The following ST6GALNAC3 variants were observed in gnomAD, a reference collection of about 807,000 sequenced individuals.
The protein encoded by ST6GALNAC3 is alpha-N-acetylgalactosaminide alpha-2,6-sialyltransferase 3.
ST6GALNAC3 carries 25 observed loss-of-function variants against 32.7 expected under a neutral mutation model. That is an observed-to-expected ratio of 0.76 (90% CI 0.56 to 1.07). The LOEUF is 1.07. Ranked by LOEUF, ST6GALNAC3 falls within the 50% of genes least tolerant of loss-of-function variation. The pLI is 0.00. For missense variants in ST6GALNAC3, 355 were observed against 382.4 expected, an observed-to-expected ratio of 0.93 and a Z score of 0.60; for synonymous variants, 129 against 133.1, an observed-to-expected ratio of 0.97 and a Z score of 0.21.
At chr1:76,372,989 G>T (rs1232896472) in intron 2 of ST6GALNAC3, among the ~76,000 whole-genome samples, 1 of 151,842 alleles carries the variant, frequency 6.6e-6, no homozygotes, top group Non-Finnish European at 1.5e-5. Flanking sequence ...TAGAGATAGG[G>T]TCTTGCTATG....
intron 3 of ST6GALNAC3, among the ~76,000 whole-genome samples, chr1:76,484,248 A>G (rs1201519686): frequency 6.6e-6 from 1 of 152,164 alleles, no homozygotes. Flanking sequence ...GTTTTTTCCA[A>G]TTCTGTGAAG....
chr1:76,554,486 A>G (rs1664806580), intron 3 of ST6GALNAC3, among the ~76,000 whole-genome samples: 1 of 144,408 alleles, frequency 6.9e-6, no homozygotes, highest in Non-Finnish European at 1.5e-5. Flanking sequence ...TTATTTCTTG[A>G]TAGAGCAAGT....
intron 1 of ST6GALNAC3, among the ~76,000 whole-genome samples, chr1:76,196,621 A>T (rs1654220276): frequency 6.6e-6 from 1 of 152,010 alleles, no homozygotes; most frequent in African/African-American, 2.4e-5. Context: ...TTGTGCCACC[A>T]TGCCCGGCTA....
At position 76,630,780 on chromosome 1, in the gene ST6GALNAC3, T is replaced by A. The variant is rs1215231213; in HGVS notation, c.*1974T>A. On this transcript the variant is annotated 3_prime_UTR_variant, in exon 5 of 5. Coordinates refer to ENST00000328299, the MANE Select transcript of ST6GALNAC3 (RefSeq NM_152996.4). ...GAAGGAGTTGTTATTCTTTTGTTGT[T>A]CCCTTATGCAATTTTTAATTCTATG... The A allele has an allele frequency of 7.1e-6, 7 of 985,566 alleles. No individual in the cohort carries two copies. In the Admixed American group the frequency reaches 3.7e-4, roughly 52 times the overall value. 61.1% of individuals were successfully genotyped at this position (985,566 alleles called of 1,614,324 possible).
chr1:76,599,453 C>G (rs926482789), intron 3 of ST6GALNAC3, among the ~76,000 whole-genome samples: 1 of 151,930 alleles, frequency 6.6e-6, no homozygotes, highest in Non-Finnish European at 1.5e-5. Flanking sequence ...CCCCTTGCCC[C>G]CCACCCTCCG....
At chr1:76,164,428 AG>A (rs1651999905) in intron 1 of ST6GALNAC3, among the ~76,000 whole-genome samples, 1 of 152,220 alleles carries the variant, frequency 6.6e-6, no homozygotes, top group South Asian at 2.1e-4. Context: ...GGTAGCTATT[AG>A]GGAAAATCAT....
intron 3 of ST6GALNAC3, among the ~76,000 whole-genome samples, chr1:76,537,632 A>G (rs1663701017): frequency 2.0e-5 from 3 of 152,164 alleles, no homozygotes; most frequent in Admixed American, 1.3e-4. Flanking sequence ...GTGTACCATC[A>G]TTTTACATTT....
At chr1:76,480,634 G>A (rs772926853) in intron 3 of ST6GALNAC3, among the ~76,000 whole-genome samples, 5 of 152,054 alleles carry the variant, frequency 3.3e-5, no homozygotes, top group African/African-American at 4.8e-5. Flanking sequence ...ATCATCAGTT[G>A]TAGGACTGCC....
chr1:76,075,869 C>G (rs971009937), intron 1 of ST6GALNAC3, among the ~76,000 whole-genome samples: 2 of 152,182 alleles, frequency 1.3e-5, no homozygotes, highest in African/African-American at 4.8e-5. Flanking sequence ...TACCAGGAAA[C>G]AATTCGTTGT....
At chr1:76,121,387 T>C (rs1414738311) in intron 1 of ST6GALNAC3, among the ~76,000 whole-genome samples, 1 of 152,106 alleles carries the variant, frequency 6.6e-6, no homozygotes, top group Non-Finnish European at 1.5e-5. Flanking sequence ...CAGCCTTGCC[T>C]CCCCACTGTC....
intron 2 of ST6GALNAC3, among the ~76,000 whole-genome samples, chr1:76,394,590 T>C (rs1652802287): frequency 1.3e-5 from 2 of 152,194 alleles, no homozygotes; most frequent in Admixed American, 6.5e-5. Flanking sequence ...TTTTGAGGTG[T>C]TATCTATACT....
intron 3 of ST6GALNAC3, among the ~76,000 whole-genome samples, chr1:76,507,726 G>T (rs1360049668): frequency 6.6e-6 from 1 of 152,120 alleles, no homozygotes; most frequent in Non-Finnish European, 1.5e-5. Flanking sequence ...ATTATCATGT[G>T]GTTATGAACA....
intron 3 of ST6GALNAC3, among the ~76,000 whole-genome samples, chr1:76,446,488 A>G (rs965395891): frequency 6.6e-6 from 1 of 152,216 alleles, no homozygotes; most frequent in African/African-American, 2.4e-5. Flanking sequence ...CTGCCTATTC[A>G]GCCCTCCCTC....
intron 1 of ST6GALNAC3, among the ~76,000 whole-genome samples, chr1:76,289,695 A>G (rs1183547553): frequency 6.6e-6 from 1 of 152,254 alleles, no homozygotes; most frequent in Admixed American, 6.5e-5. Context: ...AGGAATCCCA[A>G]AAGAGGTTTA....
chr1:76,385,382 G>T (rs1226767490), intron 2 of ST6GALNAC3, among the ~76,000 whole-genome samples: 1 of 152,076 alleles, frequency 6.6e-6, no homozygotes, highest in Non-Finnish European at 1.5e-5. Context: ...TATATTACAT[G>T]TAGGGTAGTA....
At chr1:76,586,858 G>A (rs1646969334) in intron 3 of ST6GALNAC3, among the ~76,000 whole-genome samples, 1 of 152,154 alleles carries the variant, frequency 6.6e-6, no homozygotes, top group Admixed American at 6.5e-5. Context: ...ATAGCCAAGT[G>A]GATGCTGTTA....
At chr1:76,327,593 A>G (rs1393963891) in intron 2 of ST6GALNAC3, among the ~76,000 whole-genome samples, 1 of 152,178 alleles carries the variant, frequency 6.6e-6, no homozygotes, top group Non-Finnish European at 1.5e-5. Context: ...ATATCTTCAC[A>G]GAGCATCCCA....
chr1:76,334,889 G>A (rs1426126235), intron 2 of ST6GALNAC3, among the ~76,000 whole-genome samples: 1 of 152,146 alleles, frequency 6.6e-6, no homozygotes, highest in Non-Finnish European at 1.5e-5. Context: ...GAAAGAGCTG[G>A]AATAATACTA....
intron 2 of ST6GALNAC3, among the ~76,000 whole-genome samples, chr1:76,382,573 G>A (rs1322593969): frequency 6.6e-6 from 1 of 152,152 alleles, no homozygotes; most frequent in Non-Finnish European, 1.5e-5. Context: ...GAGCATAGCA[G>A]ACACCCAGTG....
Sources: gnomAD v4.1 joint callset for allele counts (sites outside exome capture counted in the v4.1 genomes callset) on GRCh38, gnomAD v4.1.1 for gene constraint, MANE v1.5 for transcripts, NCBI Gene and HGNC (gene_info 2026-07-23, HGNC 2026-07-21) for gene names.